GRM1: variants seen among roughly 807,000 people sequenced by gnomAD.
GRM1 encodes glutamate metabotropic receptor 1, also known as metabotropic glutamate receptor 1.
A neutral mutation model predicts 90.9 loss-of-function variants in GRM1; 33 were observed. The observed-to-expected ratio is 0.36, with a 90% CI of 0.28 to 0.49. The LOEUF (loss-of-function observed/expected upper bound fraction) is 0.49. Ranked by LOEUF, GRM1 falls within the 20% of genes least tolerant of loss-of-function variation. The pLI is 0.99. For missense variants in GRM1, 1,190 were observed against 1,534.3 expected (o/e 0.78, Z 3.75); for synonymous variants, 700 against 613.2 (o/e 1.14, Z -2.09).
At chr6:146,365,910 C>T (rs1468729245) in intron 5 of GRM1, among the ~76,000 whole-genome samples, 2 of 152,288 alleles carry the variant, frequency 1.3e-5, no homozygotes, top group Admixed American at 6.5e-5. Context: ...AGGACTTGCA[C>T]GTCCCTGAGG....
rs528499252 is a variant in GRM1, at chr6:146,045,684, G to T, written c.700+15467G>T. On this transcript the variant is annotated intron_variant, in intron 1 of 7. Coordinates refer to ENST00000282753, the MANE Select transcript of GRM1 (RefSeq NM_001278064.2). ...AGAACCAGCAACATTAGAAGTCTTT[G>T]GTTTTTACTAAATTTGTTGTAGATT... 1.3e-4 allele frequency among the ~76,000 whole-genome samples: 18 copies of T among 137,558 alleles called. No individual in the cohort carries two copies. In the South Asian group the frequency reaches 3.5e-3, roughly 27 times the overall value. The allele number at this position is 137,558 out of a possible 152,430, so 90.2% of individuals were successfully genotyped here.
chr6:146,302,670 C>A (rs1583296722), intron 2 of GRM1, among the ~76,000 whole-genome samples: 2 of 151,632 alleles, frequency 1.3e-5, no homozygotes, highest in East Asian at 3.9e-4. Flanking sequence ...GGATTAAAGG[C>A]ACTTCTTTTT....
chr6:146,280,236 G>T (rs1040774361), intron 2 of GRM1, among the ~76,000 whole-genome samples: 1 of 152,002 alleles, frequency 6.6e-6, no homozygotes, highest in African/African-American at 2.4e-5. Context: ...GTGGAAAGCT[G>T]AGGTTAATGC....
At chr6:146,143,891 A>C (rs1776991337) in intron 1 of GRM1, among the ~76,000 whole-genome samples, 1 of 152,228 alleles carries the variant, frequency 6.6e-6, no homozygotes, top group South Asian at 2.1e-4. Context: ...TATTTTGAAC[A>C]TGAATAAAGA....
At chr6:146,103,290 T>C (rs1446070475) in intron 1 of GRM1, among the ~76,000 whole-genome samples, 3 of 152,150 alleles carry the variant, frequency 2.0e-5, no homozygotes, top group African/African-American at 4.8e-5. Context: ...AGGGACACCA[T>C]GATGTGTAGT....
chr6:146,122,839 C>CTTTTTTTTTTTTTTTTTTTTTTTTT (rs57859188), intron 1 of GRM1, among the ~76,000 whole-genome samples: 18 of 62,226 alleles, frequency 2.9e-4, no homozygotes, highest in Admixed American at 6.2e-4. Context: ...TCTTTTCTTT[C>CTTTTTTTTTTTTTTTTTTTTTTTTT]TTTTTTTTTT....
intron 1 of GRM1, among the ~76,000 whole-genome samples, chr6:146,049,178 CAG>C (rs1464941709): frequency 6.6e-6 from 1 of 151,966 alleles, no homozygotes; most frequent in Non-Finnish European, 1.5e-5. Flanking sequence ...TAATATAACT[CAG>C]AGGTATGTTA....
chr6:146,406,293 A>G (rs183851178), intron 7 of GRM1, among the ~76,000 whole-genome samples: 1 of 152,300 alleles, frequency 6.6e-6, no homozygotes, highest in East Asian at 1.9e-4. Context: ...ACCTGTGTTG[A>G]TGTGTAATGG....
intron 2 of GRM1, among the ~76,000 whole-genome samples, chr6:146,285,351 G>T (rs768069668): frequency 1.3e-5 from 2 of 152,086 alleles, no homozygotes; most frequent in Non-Finnish European, 2.9e-5. Context: ...ACCAAGTTAT[G>T]CTGAGTGTAA....
In GRM1 at chr6:146,227,593, T is replaced by C. The variant is rs1780287876; in HGVS notation, c.950+67996T>C. Among the ~76,000 whole-genome samples, 3 of 152,196 alleles carry C rather than the reference T, an allele frequency of 2.0e-5. No individual in the cohort carries two copies. In the South Asian group the frequency reaches 6.2e-4, roughly 31 times the overall value. On this transcript the variant is annotated intron_variant, in intron 2 of 7. Coordinates refer to ENST00000282753, the MANE Select transcript of GRM1 (RefSeq NM_001278064.2). Reference sequence around the variant, plus strand: ...CCTTAGAGATCCCATCAATGGACTATGGTTCTGATTCATGAATGCTTAATA... The same window carrying C: ...CCTTAGAGATCCCATCAATGGACTACGGTTCTGATTCATGAATGCTTAATA...
intron 2 of GRM1, among the ~76,000 whole-genome samples, chr6:146,195,607 A>G (rs927723799): frequency 6.6e-6 from 1 of 152,220 alleles, no homozygotes; most frequent in Non-Finnish European, 1.5e-5. Context: ...AGGAAAGCCT[A>G]TGTTTGCCCC....
chr6:146,042,626 G>A (rs1440260807), intron 1 of GRM1, among the ~76,000 whole-genome samples: 1 of 151,976 alleles, frequency 6.6e-6, no homozygotes, highest in Non-Finnish European at 1.5e-5. Flanking sequence ...ATTATTCAAT[G>A]AGGGAAATGG....
chr6:146,089,788 A>G (rs907673057), intron 1 of GRM1, among the ~76,000 whole-genome samples: 2 of 152,094 alleles, frequency 1.3e-5, no homozygotes, highest in African/African-American at 4.8e-5. Flanking sequence ...ATGGGCCCTA[A>G]TAGAGGTTTA....
chr6:146,356,361 G>T (rs3819834), intron 4 of GRM1, among the ~76,000 whole-genome samples: 30,177 of 152,028 alleles, frequency 0.2, 3,310 homozygotes, highest in South Asian at 0.27. Flanking sequence ...TGGTGTCTAG[G>T]GAGGACCTGC....
At chr6:146,238,675 CT>C (rs1418056869) in intron 2 of GRM1, among the ~76,000 whole-genome samples, 1 of 152,010 alleles carries the variant, frequency 6.6e-6, no homozygotes, top group East Asian at 1.9e-4. Flanking sequence ...GTAACTTTTT[CT>C]TTTTCCCTAT....
rs362966 is a variant in GRM1, at chr6:146,314,942, C to T, written c.1186+10096C>T. 5.1e-3 allele frequency among the ~76,000 whole-genome samples: 775 copies of T among 152,198 alleles called. 2 individuals are homozygous for T. The highest frequency in any genetic ancestry group is 8.8e-3 in the Non-Finnish European group (600 of 68,008). ...ATTAATTCTCCAGTGACTGCGTTTC[C>T]GAAAAACTAGCCTCTTACCCAAAGT... On this transcript the variant is annotated intron_variant, in intron 3 of 7. Coordinates refer to ENST00000282753, the MANE Select transcript of GRM1 (RefSeq NM_001278064.2).
At chr6:146,028,928 A>G (rs888238727), upstream of GRM1, among the ~76,000 whole-genome samples, 1 of 152,116 alleles carries the variant, frequency 6.6e-6, no homozygotes, top group Non-Finnish European at 1.5e-5. Flanking sequence ...AGAAAGCATG[A>G]TAGGTTTTAG....
chr6:146,078,592 C>T (rs752720348), intron 1 of GRM1, among the ~76,000 whole-genome samples: 73 of 152,200 alleles, frequency 4.8e-4, no homozygotes, highest in Admixed American at 7.9e-4. Flanking sequence ...TTAAGAAAGA[C>T]TGATTATCAC....
At chr6:146,068,824 A>G (rs1270298916) in intron 1 of GRM1, among the ~76,000 whole-genome samples, 1 of 152,214 alleles carries the variant, frequency 6.6e-6, no homozygotes, top group Non-Finnish European at 1.5e-5. Flanking sequence ...TAAAATTTTT[A>G]CGTAATAGCA....
Sources: gnomAD v4.1 joint callset for allele counts (sites outside exome capture counted in the v4.1 genomes callset) on GRCh38, gnomAD v4.1.1 for gene constraint, MANE v1.5 for transcripts, NCBI Gene and HGNC (gene_info 2026-07-23, HGNC 2026-07-21) for gene names.